Variants in MGA observed in about 807,000 individuals in gnomAD.
The protein encoded by MGA is MAX gene-associated protein.
Under a neutral mutation model 261.1 loss-of-function variants are expected in MGA, and 40 were observed. The ratio of observed to expected loss-of-function variants is 0.15; its 90% CI spans 0.12 to 0.20. The LOEUF (loss-of-function observed/expected upper bound fraction) is 0.20, where lower values mean the gene tolerates loss of function less well. Ranked by LOEUF, MGA falls within the 10% of genes least tolerant of loss-of-function variation. MGA has a pLI of 1.00. For missense variants in MGA, 3,397 were observed against 3,630.5 expected (o/e 0.94, Z 1.65); for synonymous variants, 1,302 against 1,290.6 (o/e 1.01, Z -0.19).
chr15:41,754,496 A>T lies in MGA; in HGVS notation c.7068A>T (p.Glu2356Asp). The change falls in exon 18 of 24, where the codon GAA (glutamate) becomes GAT (aspartate). Residue 2356 changes from glutamate to aspartate, a missense_variant. Glu to Asp is a conservative substitution (Grantham distance 45). Coordinates refer to ENST00000219905, the MANE Select transcript of MGA (RefSeq NM_001164273.2). ...AGCACGTGGACATTGAGACTGTAGAAGAGCTCTCAGAGGAAATTAATGTTG... is the reference window on the plus strand; with the variant it reads ...AGCACGTGGACATTGAGACTGTAGATGAGCTCTCAGAGGAAATTAATGTTG... The T allele has an allele frequency of 6.4e-7, 1 of 1,572,384 alleles. No individual in the cohort carries two copies. The highest frequency in any genetic ancestry group is 8.6e-7 in the Non-Finnish European group (1 of 1,156,926).
chr15:41,721,609 A>G (rs1167804565), intron 9 of MGA, among the ~76,000 whole-genome samples: 4 of 152,344 alleles, frequency 2.6e-5, no homozygotes, highest in Middle Eastern at 3.4e-3. Flanking sequence ...GGAATGTTGA[A>G]TGGCTCATTT....
Position 41,767,482 on chromosome 15 carries a change from A to G in MGA, c.*202A>G. ...AATTCTGATCATGTTAAAATGTGTT[A>G]CCTCACTTGTGGTGCTGGGTCCCCT... On this transcript the variant is annotated 3_prime_UTR_variant, in exon 24 of 24. Coordinates refer to ENST00000219905, the MANE Select transcript of MGA (RefSeq NM_001164273.2). 1 of 605,582 alleles carries G rather than the reference A, an allele frequency of 1.7e-6. No homozygotes were observed. Among genetic ancestry groups the G allele is most frequent in the Non-Finnish European group, 2.9e-6 (1 of 349,196 alleles). 37.5% of individuals were successfully genotyped at this position (605,582 alleles called of 1,614,324 possible).
At chr15:41,651,050 G>A (rs1246080749) in intron 1 of MGA, among the ~76,000 whole-genome samples, 3 of 152,114 alleles carry the variant, frequency 2.0e-5, no homozygotes, top group African/African-American at 4.8e-5. Context: ...ATCATATGGT[G>A]GAAGGCAGAA....
intron 2 of MGA, among the ~76,000 whole-genome samples, chr15:41,686,447 C>T (rs111972812): frequency 1.3e-5 from 2 of 152,032 alleles, no homozygotes; most frequent in Admixed American, 6.6e-5. Context: ...GGGAGGATTG[C>T]TTGAGTTGAG....
At chr15:41,663,572 G>A (rs2057545014) in intron 1 of MGA, among the ~76,000 whole-genome samples, 1 of 151,666 alleles carries the variant, frequency 6.6e-6, no homozygotes, top group Admixed American at 6.6e-5. Context: ...TCGGCTCATT[G>A]CAACCTCCTG....
intron 18 of MGA, 113 bp from the exon 19 acceptor site, chr15:41,757,675 C>T (rs1276538587): frequency 1.4e-6 from 1 of 727,788 alleles, no homozygotes; most frequent in South Asian, 2.2e-5. Flanking sequence ...CCATATATCA[C>T]ACCTTGGGAA....
chr15:41,696,307 G>C lies in MGA; in HGVS notation c.1297G>C (p.Val433Leu). 6.2e-7 allele frequency: 1 copy of C among 1,613,912 alleles called. No homozygotes were observed. Among genetic ancestry groups the C allele is most frequent in the Non-Finnish European group, 8.5e-7 (1 of 1,179,890 alleles). ...GAAACAGCTAAAGAGGCACAATAAA[G>C]TTGACAACCCAGAAGCTGACCATCT... Residue 433 changes from valine (V) to leucine (L), a missense_variant, in exon 3 of 24, where the codon GTT becomes CTT. Val to Leu is a conservative substitution (Grantham distance 32, BLOSUM62 1). Transcript: ENST00000219905.
intron 1 of MGA, among the ~76,000 whole-genome samples, chr15:41,636,335 C>T (rs2056705140): frequency 1.3e-5 from 2 of 151,926 alleles, no homozygotes; most frequent in African/African-American, 2.4e-5. Flanking sequence ...CTCTGTTGCC[C>T]AGGCTGGAGT....
chr15:41,686,026 T>A (rs543286564), intron 2 of MGA, among the ~76,000 whole-genome samples: 4,297 of 149,566 alleles, frequency 0.029, 116 homozygotes, highest in South Asian at 0.064. Flanking sequence ...AAAATAATAA[T>A]AATAATTTCC....
At chr15:41,762,470 T>TG (rs2152014076) in intron 22 of MGA, 108 bp downstream of exon 22, 1 of 657,778 alleles carries the variant, frequency 1.5e-6, no homozygotes, top group East Asian at 3.5e-5. Context: ...GGTTTTTTTT[T>TG]TTTTTTTTTT....
At chr15:41,728,475 A>G (rs1194447446) in intron 10 of MGA, among the ~76,000 whole-genome samples, 2 of 152,208 alleles carry the variant, frequency 1.3e-5, no homozygotes, top group Admixed American at 6.5e-5. Flanking sequence ...CCAATAACAT[A>G]AACAGTCAAC....
At chr15:41,676,580 T>A (rs900969075) in intron 2 of MGA, among the ~76,000 whole-genome samples, 1 of 152,250 alleles carries the variant, frequency 6.6e-6, no homozygotes, top group Non-Finnish European at 1.5e-5. Flanking sequence ...TTGTACATTC[T>A]ATGGCAGGCA....
intron 1 of MGA, among the ~76,000 whole-genome samples, chr15:41,638,129 G>A (rs1282918437): frequency 2.6e-5 from 3 of 115,906 alleles, no homozygotes; most frequent in African/African-American, 3.4e-5. Flanking sequence ...TGCAACCTCC[G>A]CCTCCTGGGT....
rs756256372 is a variant in MGA, at chr15:41,710,721, G to T, written c.2456G>T (p.Arg819Leu). 3.1e-6 allele frequency: 5 copies of T among 1,604,710 alleles called. No homozygotes were observed. The highest frequency in any genetic ancestry group is 4.2e-6 in the Non-Finnish European group (5 of 1,176,688). Reference sequence around the variant, plus strand: ...AATTCAGAAAGTTCACTGAAAAATCGTTCTGCTTTCTGTAGTGATAAGCTA... The same window carrying T: ...AATTCAGAAAGTTCACTGAAAAATCTTTCTGCTTTCTGTAGTGATAAGCTA... Residue 819 changes from arginine to leucine, a missense_variant, in exon 8 of 24, where the codon CGT becomes CTT. Arg to Leu is a moderately radical substitution (Grantham distance 102). Around this residue, in one of 9 missense-constraint regions of MGA, gnomAD observed 519 missense variants for 554.1 expected, o/e 0.94. Transcript: ENST00000219905.
At chr15:41,683,665 A>T (rs1352517167) in intron 2 of MGA, among the ~76,000 whole-genome samples, 1 of 146,108 alleles carries the variant, frequency 6.8e-6, no homozygotes, top group Admixed American at 7.0e-5. Context: ...TGCAGCCTTG[A>T]CCTCCTGGGG....
intron 13 of MGA, among the ~76,000 whole-genome samples, chr15:41,738,428 CTT>C (rs1191611482): frequency 6.6e-6 from 1 of 152,136 alleles, no homozygotes; most frequent in Non-Finnish European, 1.5e-5. Flanking sequence ...GATTGATCTA[CTT>C]AATTAAAAAA....
At chr15:41,657,258 G>A (rs989311792), upstream of MGA, among the ~76,000 whole-genome samples, 1 of 151,642 alleles carries the variant, frequency 6.6e-6, no homozygotes, top group Non-Finnish European at 1.5e-5. Flanking sequence ...GTACTAAATG[G>A]TGGGCAAGGA....
At chr15:41,764,250 GTATTTTTTT>G (rs1295673935) in intron 22 of MGA, among the ~76,000 whole-genome samples, 1 of 128,114 alleles carries the variant, frequency 7.8e-6, no homozygotes, top group Non-Finnish European at 1.6e-5. Flanking sequence ...TCTGGTGTGG[GTATTTTTTT>G]TTTTTTTTTT....
chr15:41,745,449 CT>C (rs200588459), intron 15 of MGA, among the ~76,000 whole-genome samples: 6 of 149,672 alleles, frequency 4.0e-5, no homozygotes, highest in East Asian at 1.9e-4. Context: ...GCTTTGCTGT[CT>C]TTTTTTTTAA....
Sources: gnomAD v4.1 joint callset for allele counts (sites outside exome capture counted in the v4.1 genomes callset) on GRCh38, gnomAD v4.1.1 for gene constraint, gnomAD v4.1.1 regional missense constraint, MANE v1.5 for transcripts, NCBI Gene and HGNC (gene_info 2026-07-23, HGNC 2026-07-21) for gene names.